Variants in MAGI2 observed in about 807,000 individuals in gnomAD.
MAGI2 encodes the protein membrane associated guanylate kinase, WW and PDZ domain containing 2, also known as membrane-associated guanylate kinase, WW and PDZ domain-containing protein 2.
A neutral mutation model predicts 133.3 loss-of-function variants in MAGI2; 35 were observed. The observed-to-expected ratio is 0.26, with a 90% CI of 0.20 to 0.35. MAGI2 has a LOEUF of 0.35. Among genes scored for constraint, MAGI2 ranks in the 10% least tolerant of loss-of-function variants. MAGI2 has a pLI of 1.00. For synonymous variants in MAGI2, 729 were observed against 710.6 expected, an observed-to-expected ratio of 1.03 and a Z score of -0.41; for missense variants, 1,636 against 1,863.4, an observed-to-expected ratio of 0.88 and a Z score of 2.25.
At chr7:79,447,383 C>T (rs1263057643) in intron 1 of MAGI2, among the ~76,000 whole-genome samples, 2 of 151,996 alleles carry the variant, frequency 1.3e-5, no homozygotes, top group Non-Finnish European at 2.9e-5. Context: ...ATAATAAAGT[C>T]ACTAAACTAA....
intron 10 of MAGI2, among the ~76,000 whole-genome samples, chr7:78,222,136 T>C (rs1442940580): frequency 1.3e-5 from 2 of 152,140 alleles, no homozygotes; most frequent in Admixed American, 1.3e-4. Flanking sequence ...GTTTAATATG[T>C]TGGGAATGCA....
intron 1 of MAGI2, among the ~76,000 whole-genome samples, chr7:79,047,944 T>C (rs1406485900): frequency 6.6e-6 from 1 of 152,196 alleles, no homozygotes; most frequent in Non-Finnish European, 1.5e-5. Flanking sequence ...GTTAAACTTC[T>C]TTCCACAGTC....
At chr7:78,125,898 G>T (rs1820929567) in intron 19 of MAGI2, 61 bp from the exon 20 acceptor site, 3 of 1,505,702 alleles carry the variant, frequency 2.0e-6, no homozygotes, top group African/African-American at 1.4e-5. Context: ...AGCTTCTGTG[G>T]CTAGTCTCTG....
intron 1 of MAGI2, among the ~76,000 whole-genome samples, chr7:79,445,268 G>A (rs542420318): frequency 2.2e-3 from 332 of 152,236 alleles, no homozygotes; most frequent in African/African-American, 7.6e-3. Flanking sequence ...AGGACTTCAT[G>A]TCTAAAACAC....
At chr7:78,977,243 T>A (rs1804338589) in intron 2 of MAGI2, among the ~76,000 whole-genome samples, 2 of 151,540 alleles carry the variant, frequency 1.3e-5, no homozygotes, top group South Asian at 4.1e-4. Flanking sequence ...AGAGAACACA[T>A]CACATATAGG....
chr7:79,259,897 G>A (rs1404669517), intron 1 of MAGI2, among the ~76,000 whole-genome samples: 2 of 152,178 alleles, frequency 1.3e-5, no homozygotes, highest in Non-Finnish European at 2.9e-5. Context: ...GAATTTCAGA[G>A]CTGCAGGGCA....
intron 8 of MAGI2, 75 bp from the exon 9 acceptor site, chr7:78,344,035 C>T: frequency 7.2e-7 from 1 of 1,386,782 alleles, no homozygotes; most frequent in Non-Finnish European, 9.9e-7. Context: ...AAAGCCAGCC[C>T]CTGAGCAGCG....
intron 2 of MAGI2, among the ~76,000 whole-genome samples, chr7:78,931,742 G>C (rs958817330): frequency 6.6e-6 from 1 of 152,010 alleles, no homozygotes; most frequent in African/African-American, 2.4e-5. Flanking sequence ...CTACACCACA[G>C]GGTAACTTGC....
intron 1 of MAGI2, chr7:79,410,575 A>T (rs1846077326): frequency 6.6e-6 from 1 of 152,156 alleles, no homozygotes. Flanking sequence ...AGTTGGCATG[A>T]CTAATCTCAA....
chr7:79,084,705 T>TA (rs1327126461), intron 1 of MAGI2, among the ~76,000 whole-genome samples: 1 of 151,830 alleles, frequency 6.6e-6, no homozygotes, highest in Non-Finnish European at 1.5e-5. Flanking sequence ...GATCTTCTAC[T>TA]AAGTTATGTC....
At chr7:78,507,927 T>C (rs1220718273) in intron 4 of MAGI2, among the ~76,000 whole-genome samples, 1 of 152,224 alleles carries the variant, frequency 6.6e-6, no homozygotes, top group Non-Finnish European at 1.5e-5. Context: ...CAATCATAGA[T>C]ATTTATTGTC....
At chr7:79,114,525 T>G (rs1337884758) in intron 1 of MAGI2, among the ~76,000 whole-genome samples, 1 of 152,164 alleles carries the variant, frequency 6.6e-6, no homozygotes, top group Non-Finnish European at 1.5e-5. Flanking sequence ...GCTCAGAAAA[T>G]ACCCCCATTT....
chr7:78,776,692 GTAT>G (rs1210230206), intron 2 of MAGI2, among the ~76,000 whole-genome samples: 1 of 152,112 alleles, frequency 6.6e-6, no homozygotes, highest in Non-Finnish European at 1.5e-5. Context: ...TGTAGATAGG[GTAT>G]TGTGCTCATG....
intron 1 of MAGI2, among the ~76,000 whole-genome samples, chr7:79,096,224 G>C (rs1409474782): frequency 2.0e-5 from 3 of 152,140 alleles, no homozygotes; most frequent in African/African-American, 4.8e-5. Context: ...TAGGCAATGA[G>C]AATGAGGGAA....
At chr7:78,374,570 C>A (rs1405905018) in intron 6 of MAGI2, among the ~76,000 whole-genome samples, 1 of 151,918 alleles carries the variant, frequency 6.6e-6, no homozygotes, top group African/African-American at 2.4e-5. Flanking sequence ...CTGGGTCCCA[C>A]TTGTCAATTT....
chr7:78,989,777 C>T (rs1805583318), intron 2 of MAGI2, among the ~76,000 whole-genome samples: 1 of 151,976 alleles, frequency 6.6e-6, no homozygotes, highest in African/African-American at 2.4e-5. Flanking sequence ...TGCATACCAC[C>T]GTTTTCAGCC....
At chr7:79,143,582 T>G (rs906811941) in intron 1 of MAGI2, among the ~76,000 whole-genome samples, 5 of 152,220 alleles carry the variant, frequency 3.3e-5, no homozygotes, top group African/African-American at 1.2e-4. Context: ...CCAATGCTGA[T>G]GTAGATGATT....
At chr7:78,144,445 C>A (rs984677246) in intron 16 of MAGI2, among the ~76,000 whole-genome samples, 4 of 152,158 alleles carry the variant, frequency 2.6e-5, no homozygotes, top group African/African-American at 7.2e-5. Context: ...TTTAGTTAAA[C>A]CAGTTATCAT....
intron 2 of MAGI2, among the ~76,000 whole-genome samples, chr7:78,731,762 G>T (rs983140610): frequency 6.6e-6 from 1 of 152,036 alleles, no homozygotes; most frequent in Non-Finnish European, 1.5e-5. Context: ...CTAAGCACTG[G>T]TTCTATTTTC....
Sources: gnomAD v4.1 joint callset for allele counts (sites outside exome capture counted in the v4.1 genomes callset) on GRCh38, gnomAD v4.1.1 for gene constraint, MANE v1.5 for transcripts, NCBI Gene and HGNC (gene_info 2026-07-23, HGNC 2026-07-21) for gene names.